Variants in ZNF385D observed in about 807,000 individuals in gnomAD.
The protein encoded by ZNF385D is zinc finger protein 385D.
In ZNF385D, 15 loss-of-function variants were observed where a neutral mutation model predicts 35.8. The observed-to-expected ratio is 0.42, with a 90% CI of 0.28 to 0.64. The LOEUF is 0.64. Ranked by LOEUF, ZNF385D falls within the 30% of genes least tolerant of loss-of-function variation. ZNF385D has a pLI of 0.23. For missense variants in ZNF385D, 474 were observed against 494.6 expected (o/e 0.96, Z 0.39); for synonymous variants, 212 against 186.8 (o/e 1.13, Z -1.10).
chr3:21,485,650 G>A (rs1290446148), intron 4 of ZNF385D, among the ~76,000 whole-genome samples: 1 of 151,726 alleles, frequency 6.6e-6, no homozygotes, highest in Admixed American at 6.6e-5. Context: ...TTCCACCTCT[G>A]CCTCAAAATT....
intron 3 of ZNF385D, among the ~76,000 whole-genome samples, chr3:22,139,046 G>A (rs545171289): frequency 3.9e-5 from 6 of 152,132 alleles, no homozygotes; most frequent in East Asian, 1.9e-4. Context: ...ACATTTATGC[G>A]GCCAACAGAC....
chr3:22,299,406 T>G, intron 2 of ZNF385D, among the ~76,000 whole-genome samples: 1 of 151,710 alleles, frequency 6.6e-6, no homozygotes, highest in East Asian at 1.9e-4. Flanking sequence ...AGAAAGATTA[T>G]ACTACACGGG....
At chr3:22,330,575 T>C (rs1199582747) in intron 2 of ZNF385D, among the ~76,000 whole-genome samples, 1 of 152,170 alleles carries the variant, frequency 6.6e-6, no homozygotes, top group East Asian at 1.9e-4. Context: ...CCGTCTGCTG[T>C]GATATGACAG....
At chr3:21,606,276 T>C (rs941750374) in intron 2 of ZNF385D, among the ~76,000 whole-genome samples, 2 of 152,170 alleles carry the variant, frequency 1.3e-5, no homozygotes, top group African/African-American at 4.8e-5. Flanking sequence ...CAATGGGTGG[T>C]AATGATGCCA....
chr3:22,044,805 C>G (rs896051481), intron 3 of ZNF385D, among the ~76,000 whole-genome samples: 2 of 151,934 alleles, frequency 1.3e-5, no homozygotes, highest in African/African-American at 4.8e-5. Flanking sequence ...AAGACAAGAA[C>G]TTAAGCTAAA....
chr3:22,161,651 C>T (rs1405441021), intron 3 of ZNF385D, among the ~76,000 whole-genome samples: 2 of 152,066 alleles, frequency 1.3e-5, no homozygotes, highest in Admixed American at 6.6e-5. Flanking sequence ...GAAAAAGATA[C>T]ATTTCTGGCA....
intron 2 of ZNF385D, among the ~76,000 whole-genome samples, chr3:22,199,837 G>T (rs1383367801): frequency 3.3e-5 from 5 of 152,006 alleles, no homozygotes; most frequent in Non-Finnish European, 7.4e-5. Flanking sequence ...TAAAATTTAT[G>T]AATTACATTT....
intron 2 of ZNF385D, among the ~76,000 whole-genome samples, chr3:22,303,589 T>A (rs1330524905): frequency 6.6e-6 from 1 of 152,172 alleles, no homozygotes; most frequent in African/African-American, 2.4e-5. Flanking sequence ...TTCCTTTGCT[T>A]TTCTGTGCCA....
rs540933051 is a variant in ZNF385D, at chr3:22,328,673, G to T, written c.106+43777C>A. On this transcript the variant is annotated intron_variant, in intron 2 of 5. Transcript: ENST00000494108. ...AGCTACTCAGGAGACTGAGGCAGGA[G>T]AATCGCTTGAACCTGGGAGGTGGAG... 2.1e-4 allele frequency among the ~76,000 whole-genome samples: 32 copies of T among 152,028 alleles called. No individual in the cohort carries two copies. In the South Asian group the frequency reaches 3.7e-3, roughly 18 times the overall value.
At chr3:21,716,078 C>G (rs1381927650) in intron 1 of ZNF385D, among the ~76,000 whole-genome samples, 1 of 152,096 alleles carries the variant, frequency 6.6e-6, no homozygotes, top group East Asian at 1.9e-4. Flanking sequence ...ACCCCACACC[C>G]AACCCCTCAG....
At chr3:22,069,688 A>C (rs1394022839) in intron 3 of ZNF385D, among the ~76,000 whole-genome samples, 2 of 152,186 alleles carry the variant, frequency 1.3e-5, no homozygotes, top group Non-Finnish European at 2.9e-5. Flanking sequence ...GGATCAGTGA[A>C]GATGAAACTC....
chr3:22,059,894 G>C (rs1009282423), intron 3 of ZNF385D, among the ~76,000 whole-genome samples: 11 of 152,146 alleles, frequency 7.2e-5, no homozygotes, highest in African/African-American at 2.4e-4. Context: ...GAATAAAGAA[G>C]ATCCACCTTC....
chr3:21,867,801 C>A (rs2620534), intron 3 of ZNF385D, among the ~76,000 whole-genome samples: 68,862 of 151,484 alleles, frequency 0.45, 15,984 homozygotes, highest in African/African-American at 0.53. Context: ...TAAGCCAGAG[C>A]TGTCCAACAA....
chr3:21,528,499 T>C (rs954564619), intron 3 of ZNF385D, among the ~76,000 whole-genome samples: 2 of 151,672 alleles, frequency 1.3e-5, no homozygotes, highest in Non-Finnish European at 2.9e-5. Flanking sequence ...TTCTGCCTGC[T>C]TGATGCAGAC....
At chr3:21,608,275 C>T (rs2064556927) in intron 2 of ZNF385D, among the ~76,000 whole-genome samples, 1 of 152,034 alleles carries the variant, frequency 6.6e-6, no homozygotes, top group African/African-American at 2.4e-5. Context: ...TCCTAAAGTG[C>T]TGGGATTACA....
chr3:21,621,287 T>C (rs2064998553), intron 2 of ZNF385D, among the ~76,000 whole-genome samples: 1 of 152,176 alleles, frequency 6.6e-6, no homozygotes. Context: ...AGCTAAGTTC[T>C]AAGTCCTATT....
At chr3:22,064,269 C>G (rs555191270) in intron 3 of ZNF385D, among the ~76,000 whole-genome samples, 1 of 152,086 alleles carries the variant, frequency 6.6e-6, no homozygotes, top group Non-Finnish European at 1.5e-5. Flanking sequence ...TTCTCTAACA[C>G]AAATGGTGTT....
At chr3:22,363,888 G>T (rs1339557303) in intron 2 of ZNF385D, among the ~76,000 whole-genome samples, 1 of 151,974 alleles carries the variant, frequency 6.6e-6, no homozygotes, top group Non-Finnish European at 1.5e-5. Flanking sequence ...AACACTCCTA[G>T]GTAACCAACA....
At chr3:22,087,005 G>T (rs1701079765) in intron 3 of ZNF385D, among the ~76,000 whole-genome samples, 2 of 151,980 alleles carry the variant, frequency 1.3e-5, no homozygotes, top group Non-Finnish European at 2.9e-5. Flanking sequence ...ATGGGTGCAG[G>T]ACGCCAACAT....
Sources: gnomAD v4.1 joint callset for allele counts (sites outside exome capture counted in the v4.1 genomes callset) on GRCh38, gnomAD v4.1.1 for gene constraint, MANE v1.5 for transcripts, NCBI Gene and HGNC (gene_info 2026-07-23, HGNC 2026-07-21) for gene names.